Variants in DNMT3A observed in about 807,000 individuals in gnomAD.
DNMT3A encodes the protein DNA (cytosine-5)-methyltransferase 3A.
In DNMT3A, 267 loss-of-function variants were observed where a neutral mutation model predicts 117.6. The observed-to-expected ratio is 2.27, with a 90% CI of 2.05 to 2.51. The LOEUF is 2.51. DNMT3A is among the 30% of genes most tolerant of loss of function. The pLI is 0.00. For synonymous variants in DNMT3A, 432 were observed against 474.8 expected (o/e 0.91, Z 1.17); for missense variants, 1,029 against 1,260.2 (o/e 0.82, Z 2.78).
At chr2:25,265,047 C>G (rs1431863876) in intron 6 of DNMT3A, among the ~76,000 whole-genome samples, 1 of 152,200 alleles carries the variant, frequency 6.6e-6, no homozygotes, top group East Asian at 1.9e-4. Context: ...GGGGCAGAAG[C>G]TGAGACGAGA....
intron 6 of DNMT3A, among the ~76,000 whole-genome samples, chr2:25,269,435 G>A (rs927913486): frequency 1.3e-5 from 2 of 152,210 alleles, no homozygotes; most frequent in African/African-American, 4.8e-5. Flanking sequence ...AGCAGCTCTT[G>A]GCCTCAACCC....
In DNMT3A at chr2:25,305,189, G is replaced by A. The variant is rs946770317; in HGVS notation, c.73-4946C>T. ...GTTCCAGTGCCTCTCGGATCTTTAC[G>A]ATTCCAGATTAGGAAACAAGAGGAC... On this transcript the variant is annotated intron_variant, in intron 2 of 22. Transcript: ENST00000321117. The surrounding 1 kb of genome is among the most constrained non-coding windows in gnomAD (Gnocchi z 4.1). 6.6e-5 allele frequency among the ~76,000 whole-genome samples: 10 copies of A among 152,190 alleles called. No homozygotes were observed. The highest frequency in any genetic ancestry group is 1.9e-4 in the East Asian group (1 of 5,202).
chr2:25,249,814 GCTTT>G (rs1675293463), intron 6 of DNMT3A: 1 of 1,443,294 alleles, frequency 6.9e-7, no homozygotes, highest in Non-Finnish European at 9.7e-7. Context: ...TGACTTCAAG[GCTTT>G]GCACCCATTT....
chr2:25,342,539 C>G (rs1319844009), upstream of DNMT3A: 2 of 152,782 alleles, frequency 1.3e-5, no homozygotes, highest in Admixed American at 6.5e-5. This position sits in a 1 kb window ranked among gnomAD's most constrained non-coding sequence, Gnocchi z 5.9. Context: ...CCCGCGGAGC[C>G]CCCGGCGGCC....
Position 25,254,309 on chromosome 2 carries a change from ATG to A in DNMT3A, c.640-6059_640-6058del, listed in dbSNP as rs1485460899. Among the ~76,000 whole-genome samples, 1 of 151,938 alleles carries A rather than the reference ATG, an allele frequency of 6.6e-6. No individual in the cohort carries two copies. The highest frequency in any genetic ancestry group is 1.5e-5 in the Non-Finnish European group (1 of 67,972). Reference sequence around the variant, plus strand: ...GGTGCTGGTATAATGAAGTCACGAGATGTGCAGTGAGGGAGCCCCCCCTCCCC... The same window carrying A: ...GGTGCTGGTATAATGAAGTCACGAGATGCAGTGAGGGAGCCCCCCCTCCCC... On this transcript the variant is annotated intron_variant, in intron 6 of 22. Transcript: ENST00000321117. This position sits in a 1 kb window ranked among gnomAD's most constrained non-coding sequence, Gnocchi z 4.7.
Position 25,236,412 on chromosome 2 carries a change from GT to G in DNMT3A, c.2478+523del, listed in dbSNP as rs1673376981. 6.6e-6 allele frequency among the ~76,000 whole-genome samples: 1 copy of G among 152,180 alleles called. No homozygotes were observed. Among genetic ancestry groups the G allele is most frequent in the African/African-American group, 2.4e-5 (1 of 41,454 alleles). On this transcript the variant is annotated intron_variant, in intron 21 of 22. Transcript: ENST00000321117. This position sits in a 1 kb window ranked among gnomAD's most constrained non-coding sequence, Gnocchi z 4.5. ...AAGCTGTAGCCACTGTACTTTCCAAGTCTTCCAAAGAATTAGTTCTTTCAGA... is the reference window on the plus strand; with the variant it reads ...AAGCTGTAGCCACTGTACTTTCCAAGCTTCCAAAGAATTAGTTCTTTCAGA...
intron 1 of DNMT3A, among the ~76,000 whole-genome samples, chr2:25,321,804 C>G (rs532598983): frequency 1.3e-5 from 2 of 152,240 alleles, no homozygotes; most frequent in South Asian, 4.1e-4. Flanking sequence ...GAGGATCGCT[C>G]GAGCCCAGGA....
rs778857953 is a variant in DNMT3A, at chr2:25,240,666, A to T, written c.2147T>A (p.Val716Asp). ...GTAGAGGCCCTTGCGAGCAGGGTTG[A>T]CGATGGAGAGGTCATTGCAGGGACT... ...GGSPCNDLSI[V>D]NPARKGLYEG... The change falls in exon 18 of 23, where the codon GTC becomes GAC. Residue 716 changes from valine to aspartate, a missense_variant. Val to Asp is a radical substitution (Grantham distance 152). Coordinates refer to ENST00000321117, the MANE Select transcript of DNMT3A (RefSeq NM_022552.5). The T allele has an allele frequency of 1.9e-6, 3 of 1,614,084 alleles. No homozygotes were observed. Among genetic ancestry groups the T allele is most frequent in the African/African-American group, 1.3e-5 (1 of 74,942 alleles).
At chr2:25,249,666 C>T (rs746112503) in intron 6 of DNMT3A, 4 of 1,614,232 alleles carry the variant, frequency 2.5e-6, no homozygotes, top group Non-Finnish European at 2.5e-6. Context: ...CCGTATCACA[C>T]TCGTCTTTCA....
At chr2:25,314,871 C>T (rs1438928270) in intron 1 of DNMT3A, among the ~76,000 whole-genome samples, 10 of 152,238 alleles carry the variant, frequency 6.6e-5, no homozygotes, top group South Asian at 2.1e-4. Context: ...TGAACCCACA[C>T]GGCTGAGTTT....
intron 4 of DNMT3A, among the ~76,000 whole-genome samples, chr2:25,277,499 G>A (rs545082176): frequency 6.6e-6 from 1 of 152,254 alleles, no homozygotes; most frequent in South Asian, 2.1e-4. Context: ...GGTGGCGCTG[G>A]GAACCACTGT....
chr2:25,292,418 C>A (rs2032827671), intron 3 of DNMT3A, among the ~76,000 whole-genome samples: 1 of 152,176 alleles, frequency 6.6e-6, no homozygotes, highest in African/African-American at 2.4e-5. Flanking sequence ...TTAAGTAAAT[C>A]TCTTTTGAAG....
intron 16 of DNMT3A, among the ~76,000 whole-genome samples, chr2:25,243,116 C>T (rs1558663358): frequency 3.3e-5 from 5 of 151,990 alleles, no homozygotes; most frequent in Admixed American, 2.6e-4. Flanking sequence ...ACCAGCCTGG[C>T]CAACACGGTG....
At chr2:25,245,429 G>A (rs1674638163) in intron 12 of DNMT3A, 97 bp from the exon 13 acceptor site, 5 of 1,126,530 alleles carry the variant, frequency 4.4e-6, no homozygotes, top group African/African-American at 1.5e-5. Flanking sequence ...AAAAAGGGGT[G>A]TGCCAGAGCG....
At chr2:25,325,415 C>T (rs979377222) in intron 1 of DNMT3A, among the ~76,000 whole-genome samples, 1 of 152,136 alleles carries the variant, frequency 6.6e-6, no homozygotes, top group African/African-American at 2.4e-5. Flanking sequence ...CTGATTTTAT[C>T]ATCCACAGCG....
At chr2:25,335,459 C>T (rs551559984) in intron 1 of DNMT3A, among the ~76,000 whole-genome samples, 3 of 152,134 alleles carry the variant, frequency 2.0e-5, no homozygotes, top group African/African-American at 7.2e-5. Flanking sequence ...AGACCATGGC[C>T]GTTCCCAAGT....
intron 6 of DNMT3A, among the ~76,000 whole-genome samples, chr2:25,256,109 G>T (rs532515260): frequency 5.9e-4 from 90 of 152,138 alleles, no homozygotes; most frequent in Non-Finnish European, 1.1e-3. Flanking sequence ...CACTGCACAC[G>T]TATTTCCACC....
intron 6 of DNMT3A, among the ~76,000 whole-genome samples, chr2:25,273,139 TA>T (rs763661736): frequency 2.6e-5 from 4 of 152,026 alleles, no homozygotes; most frequent in African/African-American, 4.8e-5. Context: ...CATGCCCGGC[TA>T]ATTTTTTGTC....
intron 2 of DNMT3A, among the ~76,000 whole-genome samples, chr2:25,309,943 C>G (rs547959786): frequency 6.1e-4 from 93 of 152,148 alleles, no homozygotes; most frequent in African/African-American, 2.2e-3. Context: ...GTAGTCCCAG[C>G]TACTCAGGAG....
Sources: allele counts gnomAD v4.1 joint callset (sites outside exome capture counted in the v4.1 genomes callset), GRCh38; gene constraint gnomAD v4.1.1; non-coding constraint Gnocchi (gnomAD v3.1); transcripts MANE v1.5; gene names NCBI Gene and HGNC (gene_info 2026-07-23, HGNC 2026-07-21).